FAM53B: variants seen among roughly 807,000 people sequenced by gnomAD.
FAM53B encodes family with sequence similarity 53 member B.
In FAM53B, 12 loss-of-function variants were observed where a neutral mutation model predicts 32.7. That is an observed-to-expected ratio of 0.37 (90% CI 0.24 to 0.59). The LOEUF is 0.59. Ranked by LOEUF, FAM53B falls within the 20% of genes least tolerant of loss-of-function variation. The pLI is 0.72. For missense variants in FAM53B, 477 were observed against 577.7 expected, an observed-to-expected ratio of 0.83 and a Z score of 1.79; for synonymous variants, 234 against 228.7, an observed-to-expected ratio of 1.02 and a Z score of -0.21.
intron 4 of FAM53B, among the ~76,000 whole-genome samples, chr10:124,629,446 C>T (rs1286279020): frequency 1.3e-5 from 2 of 152,160 alleles, no homozygotes; most frequent in Admixed American, 1.3e-4. Context: ...TGTTAGAGGT[C>T]TTCATGGAGC....
intron 4 of FAM53B, among the ~76,000 whole-genome samples, chr10:124,659,997 G>A (rs1949618765): frequency 6.6e-6 from 1 of 152,228 alleles, no homozygotes; most frequent in African/African-American, 2.4e-5. Context: ...AGTATAGACG[G>A]GGTTTTGCCA....
chr10:124,647,715 G>A (rs1294260173), intron 4 of FAM53B, among the ~76,000 whole-genome samples: 5 of 152,076 alleles, frequency 3.3e-5, no homozygotes, highest in East Asian at 1.9e-4. Flanking sequence ...TGTCTCCCTC[G>A]GGGTCACCCC....
intron 4 of FAM53B, among the ~76,000 whole-genome samples, chr10:124,629,753 C>T (rs2134037425): frequency 6.6e-6 from 1 of 152,354 alleles, no homozygotes; most frequent in Non-Finnish European, 1.5e-5. Flanking sequence ...ATGTGGTTTC[C>T]TAGGCTTTTT....
intron 1 of FAM53B, among the ~76,000 whole-genome samples, chr10:124,715,872 A>G (rs560823390): frequency 2.4e-4 from 36 of 152,322 alleles, no homozygotes; most frequent in African/African-American, 7.9e-4. Context: ...AAATATCCCT[A>G]GAAACACTGA....
chr10:124,666,350 C>T (rs894534356), intron 4 of FAM53B, among the ~76,000 whole-genome samples: 2 of 152,254 alleles, frequency 1.3e-5, no homozygotes, highest in Admixed American at 6.5e-5. Flanking sequence ...GCCTTCCCTC[C>T]ACCTGCCACT....
rs571933764 is a variant in FAM53B at position 124,712,831 on chromosome 10, C to T, written c.-174-5944G>A. On this transcript the variant is annotated intron_variant, in intron 1 of 4. Transcript: ENST00000337318. ...TGACTCATCTTCACCAGGATTTCCA[C>T]TGAAAAGAGCAAAAGGCAAGGTCAG... Among the ~76,000 whole-genome samples the T allele has an allele frequency of 5.9e-4, 90 of 152,360 alleles. 1 individual carries two copies. The highest frequency in any genetic ancestry group is 1.6e-3 in the Admixed American group (24 of 15,306).
chr10:124,632,910 C>T (rs1188768081), intron 4 of FAM53B, among the ~76,000 whole-genome samples: 3 of 152,152 alleles, frequency 2.0e-5, no homozygotes, highest in African/African-American at 4.8e-5. Context: ...AATCCCAGCT[C>T]GGGTGTGCCC....
intron 4 of FAM53B, among the ~76,000 whole-genome samples, chr10:124,656,224 C>T (rs889696342): frequency 1.3e-5 from 2 of 152,246 alleles, no homozygotes; most frequent in Non-Finnish European, 2.9e-5. Context: ...AACCAAGAGG[C>T]GTCTAGGTTT....
chr10:124,706,123 G>A (rs1433571916), intron 2 of FAM53B, among the ~76,000 whole-genome samples: 1 of 152,218 alleles, frequency 6.6e-6, no homozygotes, highest in African/African-American at 2.4e-5. Flanking sequence ...CTCTGCGCTA[G>A]TCCACCAAGT....
At chr10:124,689,161 G>C (rs1254530903) in intron 3 of FAM53B, among the ~76,000 whole-genome samples, 3 of 152,182 alleles carry the variant, frequency 2.0e-5, no homozygotes, top group Non-Finnish European at 4.4e-5. Flanking sequence ...AAGATTCTAT[G>C]CTTGGTTTGG....
At chr10:124,683,777 C>A (rs1949786857) in intron 3 of FAM53B, among the ~76,000 whole-genome samples, 1 of 152,184 alleles carries the variant, frequency 6.6e-6, no homozygotes, top group African/African-American at 2.4e-5. Flanking sequence ...ATGGGTCAGG[C>A]AAGATGGGCT....
At chr10:124,642,445 G>T (rs3781465) in intron 4 of FAM53B, among the ~76,000 whole-genome samples, 1 of 152,230 alleles carries the variant, frequency 6.6e-6, no homozygotes, top group Non-Finnish European at 1.5e-5. Flanking sequence ...AGGGCAGCCC[G>T]GCATAGCCCA....
At chr10:124,729,636 T>C (rs778086638) in intron 1 of FAM53B, among the ~76,000 whole-genome samples, 39 of 152,220 alleles carry the variant, frequency 2.6e-4, no homozygotes, top group Admixed American at 9.2e-4. Flanking sequence ...TTGTGCAGAC[T>C]GTAACCATGT....
At chr10:124,626,576 G>C (rs1039360607) in intron 4 of FAM53B, among the ~76,000 whole-genome samples, 1 of 152,164 alleles carries the variant, frequency 6.6e-6, no homozygotes. Flanking sequence ...ACAAGACCCC[G>C]ATCCTGTTGG....
chr10:124,673,657 C>G (rs989405884), intron 4 of FAM53B, among the ~76,000 whole-genome samples: 1 of 152,182 alleles, frequency 6.6e-6, no homozygotes, highest in Admixed American at 6.5e-5. Context: ...ACTGAGGGAC[C>G]TGAACTCTCA....
intron 4 of FAM53B, among the ~76,000 whole-genome samples, chr10:124,649,858 A>G (rs562466399): frequency 4.6e-5 from 7 of 152,276 alleles, no homozygotes; most frequent in East Asian, 3.9e-4. Flanking sequence ...CCAAATATAC[A>G]TAAGTCCCAG....
chr10:124,678,463 G>A (rs1949750142), intron 4 of FAM53B, among the ~76,000 whole-genome samples: 1 of 152,216 alleles, frequency 6.6e-6, no homozygotes, highest in South Asian at 2.1e-4. Context: ...GCACAGACAT[G>A]TCAGGCAATT....
At chr10:124,655,260 T>C (rs1265457760) in intron 4 of FAM53B, among the ~76,000 whole-genome samples, 4 of 152,122 alleles carry the variant, frequency 2.6e-5, no homozygotes, top group African/African-American at 7.2e-5. Flanking sequence ...ACCCTGGGAC[T>C]ACCTCCTGGA....
intron 3 of FAM53B, among the ~76,000 whole-genome samples, chr10:124,691,720 C>T (rs1589752215): frequency 6.6e-6 from 1 of 152,214 alleles, no homozygotes; most frequent in Non-Finnish European, 1.5e-5. Context: ...ATGGAGACTG[C>T]GCTCACTCCA....
Sources: allele counts gnomAD v4.1 joint callset (sites outside exome capture counted in the v4.1 genomes callset), GRCh38; gene constraint gnomAD v4.1.1; transcripts MANE v1.5; gene names NCBI Gene and HGNC (gene_info 2026-07-23, HGNC 2026-07-21).